Variants in AKIRIN1 observed in about 807,000 individuals in gnomAD.
AKIRIN1 encodes the protein akirin-1.
In AKIRIN1, 4 loss-of-function variants were observed where a neutral mutation model predicts 25.9. The observed-to-expected ratio is 0.15, with a 90% confidence interval of 0.08 to 0.35. The LOEUF (loss-of-function observed/expected upper bound fraction) is 0.35. Among genes scored for constraint, AKIRIN1 ranks in the 10% least tolerant of loss-of-function variants. AKIRIN1 has a pLI of 1.00. For synonymous variants in AKIRIN1, 125 were observed against 105.1 expected, an observed-to-expected ratio of 1.19 and a Z score of -1.16; for missense variants, 243 against 266.1, an observed-to-expected ratio of 0.91 and a Z score of 0.61.
chr1:39,003,898 C>A, intron 4 of AKIRIN1, 147 bp from the exon 5 acceptor site: 1 of 670,344 alleles, frequency 1.5e-6, no homozygotes, highest in South Asian at 2.0e-5. Context: ...CAGTCAGGTT[C>A]CTTAAATTCT....
chr1:38,991,801 C>G (rs1163506983), intron 1 of AKIRIN1, among the ~76,000 whole-genome samples: 1 of 152,014 alleles, frequency 6.6e-6, no homozygotes, highest in Admixed American at 6.6e-5. Flanking sequence ...GCCACAGGGT[C>G]GGTTTTAGGT....
intron 3 of AKIRIN1, among the ~76,000 whole-genome samples, chr1:39,001,745 C>T (rs891131170): frequency 3.9e-5 from 6 of 152,178 alleles, no homozygotes; most frequent in African/African-American, 9.7e-5. Context: ...AGAAACAAAC[C>T]AAGCTCTTGC....
intron 1 of AKIRIN1, 29 bp from the exon 2 acceptor site, chr1:38,998,135 TAAAGTGA>T: frequency 6.3e-7 from 1 of 1,589,454 alleles, no homozygotes; most frequent in Non-Finnish European, 8.6e-7. Context: ...AATGAGACAA[TAAAGTGA>T]AAGCTCAAGT....
At chr1:39,002,701 G>T (rs1050473564) in intron 3 of AKIRIN1, among the ~76,000 whole-genome samples, 8 of 151,954 alleles carry the variant, frequency 5.3e-5, no homozygotes, top group African/African-American at 9.7e-5. Flanking sequence ...CTGCACTCCA[G>T]CCTGGGTGAC....
intron 1 of AKIRIN1, among the ~76,000 whole-genome samples, chr1:38,992,206 C>A (rs2148063610): frequency 6.6e-6 from 1 of 152,254 alleles, no homozygotes. Context: ...GGCTTGAAAT[C>A]GGTAGATCAT....
Position 38,998,150 on chromosome 1 carries a change from AG to A in AKIRIN1, c.221-20del, listed in dbSNP as rs773530615. On this transcript the variant is annotated intron_variant, in intron 1 of 4. Transcript: ENST00000432648. ...AATGAGACAATAAAGTGAAAGCTCA[AG>A]TTTGTTTCTTTTTTATTAGAGCAAA... 1 of 1,598,710 alleles carries A rather than the reference AG, an allele frequency of 6.3e-7. No individual in the cohort carries two copies. Among genetic ancestry groups the A allele is most frequent in the South Asian group, 1.1e-5 (1 of 88,658 alleles).
chr1:39,005,422 C>T lies in AKIRIN1; in HGVS notation c.*1367C>T, dbSNP rs776059665. 3.3e-5 allele frequency: 5 copies of T among 151,982 alleles called. No homozygotes were observed. Among genetic ancestry groups the T allele is most frequent in the Admixed American group, 1.3e-4 (2 of 15,260 alleles). The allele number at this position is 151,982 out of a possible 1,614,324, so 9.4% of individuals were successfully genotyped here. A position where few individuals can be genotyped will look rare whatever the true frequency, so the allele number is the denominator to read the frequency against. On this transcript the variant is annotated 3_prime_UTR_variant, in exon 5 of 5. Transcript: ENST00000432648. ...GTTTTGGCAACCCCCTGCCCGAAGT[C>T]GCATATAGGCTGTTCTTCACCTTGT... is the stretch of plus-strand genomic sequence containing the variant.
rs185582148 is a variant in AKIRIN1 at position 39,000,936 on chromosome 1, C to T, written c.362-36C>T. The T allele has an allele frequency of 6.5e-4, 1,040 of 1,590,248 alleles. 1 individual carries two copies. Among genetic ancestry groups the T allele is most frequent in the Middle Eastern group, 2.1e-3 (12 of 5,718 alleles). On this transcript the variant is annotated intron_variant, in intron 2 of 4. Coordinates refer to ENST00000432648, the MANE Select transcript of AKIRIN1 (RefSeq NM_024595.3). ...TGCTGGGATTATAGGTGTGAACCAC[C>T]GCACCTGGCCCAAACTCACTTTTTC...
rs1235679256 is a variant in AKIRIN1 at position 38,998,071 on chromosome 1, A to G, written c.221-100A>G. Reference sequence around the variant, plus strand: ...GACCTACATGCCAAAGGGAGTATCTAAAGTCTAGTCAGAAGATCTTTGTCT... The same window carrying G: ...GACCTACATGCCAAAGGGAGTATCTGAAGTCTAGTCAGAAGATCTTTGTCT... On this transcript the variant is annotated intron_variant, in intron 1 of 4. Coordinates refer to ENST00000432648, the MANE Select transcript of AKIRIN1 (RefSeq NM_024595.3). 2.3e-6 allele frequency: 3 copies of G among 1,318,928 alleles called. No homozygotes were observed. The East Asian group carries it at 7.3e-5, about 32-fold the overall frequency. The allele number at this position is 1,318,928 out of a possible 1,614,324, so 81.7% of individuals were successfully genotyped here. A position where few individuals can be genotyped will look rare whatever the true frequency, so the allele number is the denominator to read the frequency against.
At chr1:38,994,752 T>G (rs1364313117) in intron 1 of AKIRIN1, among the ~76,000 whole-genome samples, 1 of 141,450 alleles carries the variant, frequency 7.1e-6, no homozygotes, top group African/African-American at 2.6e-5. Flanking sequence ...TGCAGTAGCA[T>G]GATCTCGGCT....
chr1:39,000,345 C>CTTTTTT (rs3078308), intron 2 of AKIRIN1, among the ~76,000 whole-genome samples: 21 of 128,266 alleles, frequency 1.6e-4, no homozygotes, highest in East Asian at 4.6e-4. Context: ...TTTTCTTTTT[C>CTTTTTT]TTTTTTTTTT....
intron 1 of AKIRIN1, among the ~76,000 whole-genome samples, chr1:38,997,102 C>A (rs2148066717): frequency 6.9e-6 from 1 of 144,456 alleles, no homozygotes; most frequent in Non-Finnish European, 1.6e-5. Flanking sequence ...TTAATACCTC[C>A]CACCATTAAA....
At position 38,991,524 on chromosome 1, in the gene AKIRIN1, G is replaced by A; in HGVS notation, c.144G>A (p.Pro48=). The part of the protein sequence containing the change: ...LRPPDAEPPP[P]FQTQTPPQSL... ...CCCCGGACGCCGAGCCGCCGCCGCC[G>A]TTTCAGACGCAGACCCCACCGCAGA... Residue 48 remains proline (P), a synonymous_variant, in exon 1 of 5, where the codon CCG becomes CCA. Transcript: ENST00000432648. The A allele has an allele frequency of 1.4e-6, 2 of 1,458,690 alleles. No individual in the cohort carries two copies. The highest frequency in any genetic ancestry group is 1.8e-6 in the Non-Finnish European group (2 of 1,110,362). The allele number at this position is 1,458,690 out of a possible 1,614,324, so 90.4% of individuals were successfully genotyped here.
At position 38,991,371 on chromosome 1, in the gene AKIRIN1, C is replaced by T. The variant is rs2148062749; in HGVS notation, c.-10C>T. 7.5e-7 allele frequency: 1 copy of T among 1,338,950 alleles called. No homozygotes were observed. The highest frequency in any genetic ancestry group is 1.8e-5 in the South Asian group (1 of 54,488). The allele number at this position is 1,338,950 out of a possible 1,614,324, so 82.9% of individuals were successfully genotyped here. ...CCGCGTCCGCTCCCGGTCCCTGGCC[C>T]CTCAGCGGCATGGCGTGCGGGGCGA... On this transcript the variant is annotated 5_prime_UTR_variant, in exon 1 of 5. Transcript: ENST00000432648.
Position 39,005,588 on chromosome 1 carries a change from C to G in AKIRIN1, c.*1533C>G, listed in dbSNP as rs1384605711. The G allele has an allele frequency of 1.3e-5, 2 of 152,094 alleles. No individual in the cohort carries two copies. The highest frequency in any genetic ancestry group is 4.8e-5 in the African/African-American group (2 of 41,428). The allele number at this position is 152,094 out of a possible 1,614,324, so 9.4% of individuals were successfully genotyped here. ...TTCATTGTTTCTGGAAAGGAAAGTT[C>G]TATTAATATTGTTTTACTTTGAATA... On this transcript the variant is annotated 3_prime_UTR_variant, in exon 5 of 5. Coordinates refer to ENST00000432648, the MANE Select transcript of AKIRIN1 (RefSeq NM_024595.3).
rs554760374 is a variant in AKIRIN1 at position 39,002,350 on chromosome 1, G to A, written c.497-997G>A. 2.6e-4 allele frequency among the ~76,000 whole-genome samples: 40 copies of A among 152,268 alleles called. 1 individual carries two copies. The highest frequency in any genetic ancestry group is 2.9e-4 in the Non-Finnish European group (20 of 68,024). On this transcript the variant is annotated intron_variant, in intron 3 of 4. Transcript: ENST00000432648. ...GGTTCCTCAGAATATTAATAGATCT[G>A]TTTTACATTGGGAGCTGTTGGGTTA... is the stretch of plus-strand genomic sequence containing the variant.
chr1:39,000,016 G>A (rs1488592530), intron 2 of AKIRIN1, among the ~76,000 whole-genome samples: 2 of 151,918 alleles, frequency 1.3e-5, no homozygotes, highest in Non-Finnish European at 2.9e-5. Flanking sequence ...CCGAGTAGCT[G>A]GGACTACAGG....
rs1570979042 is a variant in AKIRIN1, at chr1:39,005,272, C to T, written c.*1217C>T. On this transcript the variant is annotated 3_prime_UTR_variant, in exon 5 of 5. Transcript: ENST00000432648. ...GCAGTGAGCACAGATCATGCCACTG[C>T]ACTCCAGCCTGGGCAACAAAACGAG... 6.7e-6 allele frequency: 1 copy of T among 149,504 alleles called. No homozygotes were observed. The highest frequency in any genetic ancestry group is 2.0e-4 in the East Asian group (1 of 5,122). 9.3% of individuals were successfully genotyped at this position (149,504 alleles called of 1,614,324 possible).
intron 1 of AKIRIN1, 57 bp downstream of exon 1, chr1:38,991,657 G>A: frequency 2.0e-6 from 2 of 1,019,870 alleles, no homozygotes; most frequent in Non-Finnish European, 2.5e-6. Context: ...TTTTTGGGGG[G>A]GGTGGTGGGG....
Sources: allele counts gnomAD v4.1 joint callset (sites outside exome capture counted in the v4.1 genomes callset), GRCh38; gene constraint gnomAD v4.1.1; transcripts MANE v1.5; gene names NCBI Gene and HGNC (gene_info 2026-07-23, HGNC 2026-07-21).